The following LMO2 variants were observed in gnomAD, a reference collection of about 807,000 sequenced individuals.
The protein encoded by LMO2 is LIM domain only 2.
A neutral mutation model predicts 23.2 loss-of-function variants in LMO2; 20 were observed. The observed-to-expected ratio is 0.86, with a 90% CI of 0.61 to 1.25. LMO2 has a LOEUF of 1.25. LMO2 is among the 50% of genes most tolerant of loss of function. The pLI, the probability that LMO2 is intolerant of heterozygous loss-of-function variation, is 0.00. For missense variants in LMO2, 270 were observed against 315.3 expected (o/e 0.86, Z 1.09); for synonymous variants, 123 against 130.2 (o/e 0.94, Z 0.38).
rs995412048 is a variant in LMO2 at position 33,859,287 on chromosome 11, G to A, written c.*69C>T. On this transcript the variant is annotated 3_prime_UTR_variant, in exon 6 of 6. Transcript: ENST00000257818. The stretch of plus-strand genomic sequence containing the variant: ...TCAAACCCCCAAAGTGCCTAAGAGT[G>A]AAGACGAAGATGCCATGGAGACGGC... 1.3e-5 allele frequency: 16 copies of A among 1,195,060 alleles called. No homozygotes were observed. Among genetic ancestry groups the A allele is most frequent in the Non-Finnish European group, 2.0e-5 (16 of 815,942 alleles). The allele number at this position is 1,195,060 out of a possible 1,614,324, so 74.0% of individuals were successfully genotyped here. A position where few individuals can be genotyped will look rare whatever the true frequency, so the allele number is the denominator to read the frequency against.
chr11:33,882,324 C>T (rs1006663394), intron 1 of LMO2, among the ~76,000 whole-genome samples: 3 of 152,328 alleles, frequency 2.0e-5, no homozygotes, highest in South Asian at 2.1e-4. Flanking sequence ...TTGTGTCTCA[C>T]GCTTTGCAAA....
intron 2 of LMO2, among the ~76,000 whole-genome samples, chr11:33,875,545 T>C (rs1857117416): frequency 7.9e-6 from 1 of 126,408 alleles, no homozygotes; most frequent in South Asian, 2.5e-4. Context: ...GCCGTTGCAC[T>C]CAAGCCTGGG....
rs1461821099 is a variant in LMO2 at position 33,869,741 on chromosome 11, C to T, written c.-25G>A. On this transcript the variant is annotated 5_prime_UTR_variant, in exon 3 of 6. Transcript: ENST00000257818. ...TCCCGGTCCCGCCGCCGCCACCGCC[C>T]GGTCCCTCTCGCGCGCTGTCGCCGG... is the stretch of plus-strand genomic sequence containing the variant. The T allele has an allele frequency of 7.9e-7, 1 of 1,266,194 alleles. No homozygotes were observed. Among genetic ancestry groups the T allele is most frequent in the South Asian group, 2.3e-5 (1 of 44,060 alleles). The allele number at this position is 1,266,194 out of a possible 1,614,324, so 78.4% of individuals were successfully genotyped here.
chr11:33,889,406 T>C (rs1397468497), intron 1 of LMO2, among the ~76,000 whole-genome samples: 4 of 152,112 alleles, frequency 2.6e-5, no homozygotes. Context: ...GGCAGCAGCA[T>C]CCGTTCAACA....
chr11:33,870,124 C>T, intron 2 of LMO2, 137 bp from the exon 3 acceptor site: 1 of 262,144 alleles, frequency 3.8e-6, no homozygotes, highest in Non-Finnish European at 5.9e-6. Context: ...ATACAAACAG[C>T]AGCATCAGGA....
At chr11:33,866,771 G>A (rs541838287) in intron 4 of LMO2, among the ~76,000 whole-genome samples, 18 of 152,268 alleles carry the variant, frequency 1.2e-4, no homozygotes, top group Admixed American at 8.5e-4. Context: ...TCAGCCTCCC[G>A]AATAGCTGGG....
intron 1 of LMO2, among the ~76,000 whole-genome samples, chr11:33,885,198 C>G (rs1857377537): frequency 6.6e-6 from 1 of 152,158 alleles, no homozygotes; most frequent in African/African-American, 2.4e-5. Context: ...AGGAGTGGAA[C>G]AGGTGAAGCA....
At chr11:33,884,686 G>A (rs1857364522) in intron 1 of LMO2, among the ~76,000 whole-genome samples, 1 of 152,180 alleles carries the variant, frequency 6.6e-6, no homozygotes, top group Non-Finnish European at 1.5e-5. Context: ...GGAGTTCAGA[G>A]TACCACATGT....
chr11:33,876,608 C>G (rs1296787483), intron 2 of LMO2, among the ~76,000 whole-genome samples: 3 of 152,152 alleles, frequency 2.0e-5, no homozygotes, highest in African/African-American at 7.2e-5. Flanking sequence ...GGAAAGAGAT[C>G]AGGCTCTTGG....
Position 33,869,574 on chromosome 11 carries a change from G to C in LMO2, c.20C>G (p.Thr7Ser). The C allele has an allele frequency of 7.7e-7, 1 of 1,301,990 alleles. No homozygotes were observed. 80.7% of individuals were successfully genotyped at this position (1,301,990 alleles called of 1,614,324 possible). MEGSAV[T>S]VLERGGASSP... is the part of the protein sequence containing the mutation. Reference sequence around the variant, plus strand: ...GCTCGCCCCTCCGCGCTCAAGGACAGTCACCGCGCTCCCTTCAAACGCCAA... The same window carrying C: ...GCTCGCCCCTCCGCGCTCAAGGACACTCACCGCGCTCCCTTCAAACGCCAA... The change falls in exon 4 of 6, where the codon ACT becomes AGT. Residue 7 changes from threonine to serine, a missense_variant. By Grantham distance (58) the Thr-to-Ser change is moderately conservative (BLOSUM62 1). Around this residue, in one of 2 missense-constraint regions of LMO2, gnomAD observed 170 missense variants for 162.0 expected, o/e 1.05. Transcript: ENST00000257818.
chr11:33,868,536 G>A (rs1856870159), intron 4 of LMO2, among the ~76,000 whole-genome samples: 2 of 152,198 alleles, frequency 1.3e-5, no homozygotes, highest in South Asian at 4.1e-4. Flanking sequence ...AAGAATGGGT[G>A]AGGGATAGAA....
chr11:33,866,298 A>G (rs1439536371), intron 4 of LMO2, among the ~76,000 whole-genome samples: 3 of 152,200 alleles, frequency 2.0e-5, no homozygotes, highest in Non-Finnish European at 4.4e-5. Context: ...TGAGACTATC[A>G]TCTTTGGAAC....
chr11:33,875,578 C>A (rs369042530), intron 2 of LMO2, among the ~76,000 whole-genome samples: 365 of 114,984 alleles, frequency 3.2e-3, no homozygotes, highest in Middle Eastern at 4.4e-3. Flanking sequence ...AACTCCTTCT[C>A]AAAAAAAAAA....
In LMO2 at chr11:33,869,397, G is replaced by C; in HGVS notation, c.197C>G (p.Pro66Arg). 1 of 1,212,198 alleles carries C rather than the reference G, an allele frequency of 8.2e-7. No homozygotes were observed. The highest frequency in any genetic ancestry group is 1.0e-6 in the Non-Finnish European group (1 of 969,198). The allele number at this position is 1,212,198 out of a possible 1,614,324, so 75.1% of individuals were successfully genotyped here. A position where few individuals can be genotyped will look rare whatever the true frequency, so the allele number is the denominator to read the frequency against. Residue 66 changes from proline (P) to arginine (R), a missense_variant, in exon 4 of 6, where the codon CCT (proline) becomes CGT (arginine). This residue lies in a region of LMO2 where 170 missense variants were observed against 162.0 expected (regional missense o/e 1.05). Transcript: ENST00000257818. Reference sequence around the variant, plus strand: ...GATGGCCGAGGACATTGGGGAGGGAGGCGGGGTGCCGGGCGGCGGGGGCGC... The same window carrying C: ...GATGGCCGAGGACATTGGGGAGGGACGCGGGGTGCCGGGCGGCGGGGGCGC... Reference protein sequence around the residue: ...KGAPPPPGTPPPSPMSSAIER... With the variant: ...KGAPPPPGTPRPSPMSSAIER...
chr11:33,873,976 CT>C (rs11358602), intron 2 of LMO2, among the ~76,000 whole-genome samples: 4,230 of 151,692 alleles, frequency 0.028, 211 homozygotes, highest in African/African-American at 0.098. Flanking sequence ...ATTTACCTCT[CT>C]TTTTTTTTCA....
At chr11:33,870,529 G>A (rs1001987671) in intron 2 of LMO2, 2 of 985,808 alleles carry the variant, frequency 2.0e-6, no homozygotes, top group Non-Finnish European at 2.4e-6. Flanking sequence ...CTGCAGAGGC[G>A]ATGGTGGTGC....
At chr11:33,869,076 G>A (rs889268816) in intron 4 of LMO2, among the ~76,000 whole-genome samples, 2 of 152,208 alleles carry the variant, frequency 1.3e-5, no homozygotes, top group East Asian at 3.9e-4. Flanking sequence ...TCTGGCCCGT[G>A]GTGGCTTTGG....
chr11:33,881,606 G>A (rs1052205593), intron 2 of LMO2: 4 of 353,862 alleles, frequency 1.1e-5, no homozygotes, highest in African/African-American at 8.6e-5. Context: ...CTGTCTCTCA[G>A]CTCAAATATG....
chr11:33,891,975 A>T lies in LMO2; in HGVS notation c.-516T>A, dbSNP rs1857566320. 1 of 152,258 alleles carries T rather than the reference A, an allele frequency of 6.6e-6. No individual in the cohort carries two copies. The allele number at this position is 152,258 out of a possible 1,614,324, so 9.4% of individuals were successfully genotyped here. A position where few individuals can be genotyped will look rare whatever the true frequency, so the allele number is the denominator to read the frequency against. On this transcript the variant is annotated 5_prime_UTR_variant, in exon 1 of 6. Transcript: ENST00000257818. ...AGGACACCCAGAGGCCCTTGTGAAT[A>T]GCAAAGCCCACTTAACGGCTGAGGG...
Sources: gnomAD v4.1 joint callset for allele counts (sites outside exome capture counted in the v4.1 genomes callset) on GRCh38, gnomAD v4.1.1 for gene constraint, gnomAD v4.1.1 regional missense constraint, MANE v1.5 for transcripts, NCBI Gene and HGNC (gene_info 2026-07-23, HGNC 2026-07-21) for gene names.